The following CNOT10 variants were observed in gnomAD, a reference collection of about 807,000 sequenced individuals.
CNOT10 encodes CCR4-NOT transcription complex, subunit 10.
In CNOT10, 30 loss-of-function variants were observed where a neutral mutation model predicts 94.6. The ratio of observed to expected loss-of-function variants is 0.32; its 90% CI spans 0.24 to 0.43. CNOT10 has a LOEUF of 0.43. Ranked by LOEUF, CNOT10 falls within the 20% of genes least tolerant of loss-of-function variation. The pLI is 1.00. For missense variants in CNOT10, 759 were observed against 877.2 expected (o/e 0.87, Z 1.70); for synonymous variants, 289 against 301.6 (o/e 0.96, Z 0.43).
chr3:32,723,794 T>C (rs1698528960), intron 8 of CNOT10, among the ~76,000 whole-genome samples: 2 of 151,994 alleles, frequency 1.3e-5, no homozygotes, highest in African/African-American at 4.8e-5. Flanking sequence ...AATAAAGCAA[T>C]AGATCAGCCA....
Position 32,720,094 on chromosome 3 carries a change from C to T in CNOT10, c.745-20C>T. ...GCGTCTGAAAACAAATTATAAGTAA[C>T]TTTTATATTTTCTCTACAGTCCGCA... On this transcript the variant is annotated intron_variant, in intron 7 of 18. Coordinates refer to ENST00000328834, the MANE Select transcript of CNOT10 (RefSeq NM_015442.3). 7.7e-7 allele frequency: 1 copy of T among 1,301,380 alleles called. No homozygotes were observed. The highest frequency in any genetic ancestry group is 1.1e-6 in the Non-Finnish European group (1 of 933,348). The allele number at this position is 1,301,380 out of a possible 1,614,324, so 80.6% of individuals were successfully genotyped here. A position where few individuals can be genotyped will look rare whatever the true frequency, so the allele number is the denominator to read the frequency against.
chr3:32,738,666 G>A (rs1013140674), intron 13 of CNOT10, among the ~76,000 whole-genome samples: 2 of 151,900 alleles, frequency 1.3e-5, no homozygotes, highest in East Asian at 3.9e-4. Context: ...GTTTCACCGT[G>A]TTAGCCAGGA....
chr3:32,712,431 G>C (rs57366740), intron 4 of CNOT10, among the ~76,000 whole-genome samples: 1 of 152,182 alleles, frequency 6.6e-6, no homozygotes, highest in African/African-American at 2.4e-5. Context: ...AAGTGTTTCA[G>C]ATTTGGGATT....
At chr3:32,705,008 G>A in intron 3 of CNOT10, 36 bp downstream of exon 3, 2 of 1,338,186 alleles carry the variant, frequency 1.5e-6, no homozygotes, top group Non-Finnish European at 2.0e-6. Flanking sequence ...AAAAAATATT[G>A]TTCTGTTCTT....
chr3:32,759,428 A>AT, intron 13 of CNOT10, 30 bp from the exon 14 acceptor site: 1 of 1,471,420 alleles, frequency 6.8e-7, no homozygotes. Context: ...TTAAAATGAG[A>AT]TTTTCGGCCC....
intron 10 of CNOT10, among the ~76,000 whole-genome samples, chr3:32,728,677 A>G (rs1376989574): frequency 6.6e-6 from 1 of 152,200 alleles, no homozygotes; most frequent in East Asian, 1.9e-4. Flanking sequence ...GTAAGTAAGT[A>G]TGGCAACATT....
At chr3:32,754,887 A>G (rs1283207020) in intron 13 of CNOT10, among the ~76,000 whole-genome samples, 1 of 149,832 alleles carries the variant, frequency 6.7e-6, no homozygotes. Flanking sequence ...CTGTTCTCCA[A>G]GGACCATTAC....
chr3:32,744,541 G>T (rs896984685), intron 13 of CNOT10, among the ~76,000 whole-genome samples: 9 of 152,050 alleles, frequency 5.9e-5, no homozygotes, highest in African/African-American at 1.9e-4. Flanking sequence ...TTTTTAGAAG[G>T]CAGATAATAA....
At chr3:32,733,771 C>A (rs374382211) in intron 11 of CNOT10, among the ~76,000 whole-genome samples, 3 of 151,770 alleles carry the variant, frequency 2.0e-5, no homozygotes, top group Non-Finnish European at 4.4e-5. Flanking sequence ...TTATTGATGG[C>A]CTAGGAAACC....
intron 13 of CNOT10, among the ~76,000 whole-genome samples, chr3:32,749,801 T>C (rs1438014373): frequency 6.6e-6 from 1 of 152,120 alleles, no homozygotes; most frequent in African/African-American, 2.4e-5. Context: ...TAGAGAAATA[T>C]CGGGTGATGG....
intron 17 of CNOT10, among the ~76,000 whole-genome samples, chr3:32,768,122 C>T (rs1194614722): frequency 1.3e-5 from 2 of 152,064 alleles, no homozygotes; most frequent in African/African-American, 4.8e-5. Flanking sequence ...GTTGCCTGCC[C>T]ACCACTAACC....
chr3:32,713,966 T>A (rs1412768185), intron 5 of CNOT10, among the ~76,000 whole-genome samples: 1 of 152,224 alleles, frequency 6.6e-6, no homozygotes, highest in Non-Finnish European at 1.5e-5. Context: ...ATATAGTGCT[T>A]CTGTGACCAT....
chr3:32,753,684 A>G (rs1700065386), intron 13 of CNOT10: 27 of 1,586,078 alleles, frequency 1.7e-5, no homozygotes, highest in Non-Finnish European at 2.1e-5. Flanking sequence ...TAGTGGGTAA[A>G]ATCAAAGAAG....
chr3:32,725,582 C>G lies in CNOT10; in HGVS notation c.995C>G (p.Ala332Gly). 1 of 1,612,550 alleles carries G rather than the reference C, an allele frequency of 6.2e-7. No individual in the cohort carries two copies. The highest frequency in any genetic ancestry group is 1.1e-5 in the South Asian group (1 of 90,588). Residue 332 changes from alanine to glycine, a missense_variant, in exon 9 of 19, where the codon GCA becomes GGA. Ala to Gly is a moderately conservative substitution (Grantham distance 60). Coordinates refer to ENST00000328834, the MANE Select transcript of CNOT10 (RefSeq NM_015442.3). ...ENDNVCAQLS[A>G]GSTDPGKKFS... ...GACAATGTCTGTGCACAGCTCAGTG[C>G]AGGTAGCACTGATCCAGGTAAGCCC...
intron 13 of CNOT10, among the ~76,000 whole-genome samples, chr3:32,758,107 CA>C (rs1700294894): frequency 6.6e-6 from 1 of 152,158 alleles, no homozygotes; most frequent in Non-Finnish European, 1.5e-5. Flanking sequence ...ATGGGAAGAA[CA>C]GCGGATTGGG....
intron 13 of CNOT10, among the ~76,000 whole-genome samples, chr3:32,749,653 G>A (rs1699871147): frequency 6.6e-6 from 1 of 151,428 alleles, no homozygotes; most frequent in Non-Finnish European, 1.5e-5. Context: ...TCGGTGATCT[G>A]CCTGCCTCGG....
At position 32,720,550 on chromosome 3, in the gene CNOT10, T is replaced by C. The variant is rs147484042; in HGVS notation, c.862+319T>C. ...GGAAATAGGGTCTTGCTGAGTGCAGTGCCACAATCACAGCTCACTACAGCC... is the reference window on the plus strand; with the variant it reads ...GGAAATAGGGTCTTGCTGAGTGCAGCGCCACAATCACAGCTCACTACAGCC... On this transcript the variant is annotated intron_variant, in intron 8 of 18. Transcript: ENST00000328834. 7.9e-5 allele frequency among the ~76,000 whole-genome samples: 12 copies of C among 151,904 alleles called. No homozygotes were observed. The East Asian group carries it at 2.3e-3, about 29-fold the overall frequency.
intron 9 of CNOT10, among the ~76,000 whole-genome samples, chr3:32,727,375 G>A (rs116269076): frequency 0.022 from 3,288 of 152,194 alleles, 40 homozygotes; most frequent in Middle Eastern, 0.044. Flanking sequence ...AGGTGCAAAG[G>A]AGTGAGAGCG....
At chr3:32,702,120 C>T (rs1327642195) in intron 1 of CNOT10, among the ~76,000 whole-genome samples, 1 of 135,744 alleles carries the variant, frequency 7.4e-6, no homozygotes, top group Non-Finnish European at 1.5e-5. Context: ...TTTCTCAAGA[C>T]AGTCTCACTC....
Sources: allele counts gnomAD v4.1 joint callset (sites outside exome capture counted in the v4.1 genomes callset), GRCh38; gene constraint gnomAD v4.1.1; transcripts MANE v1.5; gene names NCBI Gene and HGNC (gene_info 2026-07-23, HGNC 2026-07-21).